The following AFF3 variants were observed in gnomAD, a reference collection of about 807,000 sequenced individuals.
AFF3 encodes ALF transcription elongation factor 3.
In AFF3, 32 loss-of-function variants were observed where a neutral mutation model predicts 129.7. The observed-to-expected ratio is 0.25, with a 90% CI of 0.19 to 0.33. AFF3 has a LOEUF of 0.33. Ranked by LOEUF, AFF3 falls within the 10% of genes least tolerant of loss-of-function variation. The probability of loss-of-function intolerance (pLI) is 1.00; values close to 1 mark genes in which losing one functional copy is unlikely to be tolerated. For missense variants in AFF3, 1,373 were observed against 1,592.0 expected, an observed-to-expected ratio of 0.86 and a Z score of 2.34; for synonymous variants, 644 against 635.4, an observed-to-expected ratio of 1.01 and a Z score of -0.20.
At chr2:99,714,109 A>G (rs1278573496) in intron 11 of AFF3, among the ~76,000 whole-genome samples, 1 of 152,182 alleles carries the variant, frequency 6.6e-6, no homozygotes, top group Admixed American at 6.5e-5. Context: ...CTATGATGGT[A>G]TCATTTCCAA....
chr2:99,922,446 T>C (rs1695924335), intron 7 of AFF3, among the ~76,000 whole-genome samples: 1 of 152,204 alleles, frequency 6.6e-6, no homozygotes, highest in Non-Finnish European at 1.5e-5. Flanking sequence ...ATTAGTACTG[T>C]GCTGGATAAA....
intron 4 of AFF3, among the ~76,000 whole-genome samples, chr2:100,032,810 G>A (rs558846787): frequency 6.6e-6 from 1 of 152,150 alleles, no homozygotes; most frequent in Admixed American, 6.5e-5. Context: ...TCAACACTGT[G>A]TGTCTTAATT....
At chr2:99,656,387 T>G (rs760517481) in intron 12 of AFF3, among the ~76,000 whole-genome samples, 2 of 152,194 alleles carry the variant, frequency 1.3e-5, no homozygotes, top group Non-Finnish European at 1.5e-5. Flanking sequence ...GCACAGGGAT[T>G]TTAATCAGCT....
At chr2:99,969,475 T>TTTTATTTATTTATTTA (rs1386971357) in intron 7 of AFF3, among the ~76,000 whole-genome samples, 5 of 117,844 alleles carry the variant, frequency 4.2e-5, no homozygotes, top group Non-Finnish European at 8.6e-5. Flanking sequence ...TTTATTTTAT[T>TTTTATTTATTTATTTA]TTCATTTATT....
chr2:99,946,981 CAACATGT>C (rs747872377), intron 7 of AFF3, among the ~76,000 whole-genome samples: 2 of 152,144 alleles, frequency 1.3e-5, no homozygotes, highest in African/African-American at 2.4e-5. Context: ...TTCTACTTGG[CAACATGT>C]TGGTCATCTC....
chr2:99,560,274 A>T (rs1167292737), intron 21 of AFF3, 91 bp downstream of exon 21: 7 of 1,383,074 alleles, frequency 5.1e-6, no homozygotes, highest in Non-Finnish European at 6.1e-6. Context: ...GTTAGAAGAC[A>T]TTGGGCAAAC....
At chr2:100,109,754 G>A (rs1395719479) in intron 2 of AFF3, 5 of 152,190 alleles carry the variant, frequency 3.3e-5, no homozygotes, top group African/African-American at 9.7e-5. Flanking sequence ...AAAAGCACAT[G>A]AGGTATGTTG....
chr2:99,920,726 G>T (rs912099046), intron 7 of AFF3, among the ~76,000 whole-genome samples: 7 of 151,946 alleles, frequency 4.6e-5, no homozygotes, highest in African/African-American at 1.7e-4. Flanking sequence ...AAAAAAAGGT[G>T]TACAGATTGG....
intron 7 of AFF3, among the ~76,000 whole-genome samples, chr2:99,876,787 C>G (rs1364463898): frequency 1.3e-5 from 2 of 152,124 alleles, no homozygotes; most frequent in African/African-American, 4.8e-5. Context: ...CATGGATCTT[C>G]CCTCAGTTTC....
intron 12 of AFF3, among the ~76,000 whole-genome samples, chr2:99,651,346 C>T (rs62154537): frequency 0.62 from 94,102 of 151,908 alleles, 29,580 homozygotes; most frequent in East Asian, 0.82. Flanking sequence ...GAAGTCATGA[C>T]TGGGGAGGTC....
intron 7 of AFF3, among the ~76,000 whole-genome samples, chr2:99,887,040 G>A (rs1002783583): frequency 1.3e-5 from 2 of 152,120 alleles, no homozygotes; most frequent in Admixed American, 6.5e-5. Flanking sequence ...GAACTAGCTC[G>A]CCTAGCTGAA....
intron 8 of AFF3, among the ~76,000 whole-genome samples, chr2:99,799,964 G>A (rs1480802145): frequency 9.9e-5 from 15 of 152,046 alleles, no homozygotes; most frequent in Non-Finnish European, 1.5e-5. Flanking sequence ...GTCTAAAACT[G>A]CAAAGTGTTC....
intron 13 of AFF3, among the ~76,000 whole-genome samples, chr2:99,624,138 G>C (rs964528097): frequency 6.6e-6 from 1 of 152,080 alleles, no homozygotes; most frequent in Non-Finnish European, 1.5e-5. Context: ...CTACCTCCAA[G>C]GTTCTGGGGA....
chr2:100,038,944 G>C (rs1259413650), intron 4 of AFF3, among the ~76,000 whole-genome samples: 1 of 152,028 alleles, frequency 6.6e-6, no homozygotes, highest in Non-Finnish European at 1.5e-5. Context: ...GGCTGGTCTT[G>C]AACTCCTGAC....
intron 7 of AFF3, among the ~76,000 whole-genome samples, chr2:99,999,198 ATTTAT>A (rs1243467145): frequency 1.3e-5 from 2 of 152,202 alleles, no homozygotes; most frequent in African/African-American, 2.4e-5. Context: ...TAGCTCTATG[ATTTAT>A]TTTATATGTG....
intron 7 of AFF3, among the ~76,000 whole-genome samples, chr2:99,858,178 C>T (rs964875162): frequency 6.6e-6 from 1 of 152,128 alleles, no homozygotes; most frequent in African/African-American, 2.4e-5. Flanking sequence ...TGAATTCAAC[C>T]TTCAACATGG....
chr2:100,074,197 C>T (rs1013066522), intron 4 of AFF3, among the ~76,000 whole-genome samples: 2 of 152,200 alleles, frequency 1.3e-5, no homozygotes, highest in Admixed American at 6.5e-5. Flanking sequence ...GACTTTGCTG[C>T]GTTTTACTCT....
intron 1 of AFF3, among the ~76,000 whole-genome samples, chr2:100,136,800 C>G (rs1223414336): frequency 6.6e-6 from 1 of 152,038 alleles, no homozygotes; most frequent in African/African-American, 2.4e-5. Context: ...TTAATTTAAT[C>G]TTTTAAAATA....
intron 7 of AFF3, among the ~76,000 whole-genome samples, chr2:99,993,383 C>T (rs1052225191): frequency 6.6e-6 from 1 of 151,962 alleles, no homozygotes; most frequent in African/African-American, 2.4e-5. Flanking sequence ...GACAATCAAT[C>T]TTATAAATAA....
Sources: gnomAD v4.1 joint callset for allele counts (sites outside exome capture counted in the v4.1 genomes callset) on GRCh38, gnomAD v4.1.1 for gene constraint, MANE v1.5 for transcripts, NCBI Gene and HGNC (gene_info 2026-07-23, HGNC 2026-07-21) for gene names.